The following PARD3B variants were observed in gnomAD, a reference collection of about 807,000 sequenced individuals.
PARD3B encodes partitioning defective 3 homolog B.
A neutral mutation model predicts 130.2 loss-of-function variants in PARD3B; 103 were observed. The ratio of observed to expected loss-of-function variants is 0.79; its 90% CI spans 0.67 to 0.93. The LOEUF (loss-of-function observed/expected upper bound fraction) is 0.93, where lower values mean the gene tolerates loss of function less well. PARD3B is among the 40% of genes least tolerant of loss of function. The pLI is 0.00. For synonymous variants in PARD3B, 583 were observed against 553.2 expected, an observed-to-expected ratio of 1.05 and a Z score of -0.76; for missense variants, 1,609 against 1,499.2, an observed-to-expected ratio of 1.07 and a Z score of -1.21.
chr2:204,795,232 G>A (rs553719812), intron 2 of PARD3B, among the ~76,000 whole-genome samples: 1 of 152,290 alleles, frequency 6.6e-6, no homozygotes, highest in South Asian at 2.1e-4. Flanking sequence ...GTTAAGCCCT[G>A]TCCCCTTTCT....
At chr2:205,412,616 T>C (rs1163444050) in intron 19 of PARD3B, among the ~76,000 whole-genome samples, 1 of 152,214 alleles carries the variant, frequency 6.6e-6, no homozygotes, top group African/African-American at 2.4e-5. Context: ...CTAACACATC[T>C]GACTTTAACC....
At chr2:205,010,067 A>G (rs1695592462) in intron 3 of PARD3B, among the ~76,000 whole-genome samples, 2 of 152,190 alleles carry the variant, frequency 1.3e-5, no homozygotes, top group African/African-American at 4.8e-5. Flanking sequence ...GAACCAATAT[A>G]GTAATATTTT....
At chr2:204,738,973 A>G (rs1311066830) in intron 2 of PARD3B, among the ~76,000 whole-genome samples, 4 of 152,190 alleles carry the variant, frequency 2.6e-5, no homozygotes, top group East Asian at 1.9e-4. Context: ...GGTTCTAGCT[A>G]TACTCAGTGG....
At chr2:205,100,324 A>G (rs1702682980) in intron 4 of PARD3B, among the ~76,000 whole-genome samples, 1 of 152,126 alleles carries the variant, frequency 6.6e-6, no homozygotes, top group Admixed American at 6.5e-5. Flanking sequence ...TTATAAAACT[A>G]AAAAGAATAT....
intron 13 of PARD3B, among the ~76,000 whole-genome samples, chr2:205,185,509 C>G (rs1310173323): frequency 6.6e-6 from 1 of 152,150 alleles, no homozygotes; most frequent in Non-Finnish European, 1.5e-5. Flanking sequence ...AAAAGGTAGT[C>G]AAGATCTGTG....
chr2:204,892,273 G>A (rs1012151221), intron 2 of PARD3B, among the ~76,000 whole-genome samples: 7 of 152,182 alleles, frequency 4.6e-5, no homozygotes, highest in African/African-American at 1.7e-4. Context: ...GGAGGTGACT[G>A]TGGAGAGAGT....
rs1183590701 is a variant in PARD3B at position 205,125,202 on chromosome 2, C to T, written c.1306-407C>T. On this transcript the variant is annotated intron_variant, in intron 9 of 22. Coordinates refer to ENST00000406610, the MANE Select transcript of PARD3B (RefSeq NM_001302769.2). This position sits in a 1 kb window ranked among gnomAD's most constrained non-coding sequence, Gnocchi z 4.0. ...ATTTTCTAAATATGTTTAAAACCTG[C>T]AGGATTCTATTGCTAGGTTCGTATT... Among the ~76,000 whole-genome samples, 1 of 152,162 alleles carries T rather than the reference C, an allele frequency of 6.6e-6. No individual in the cohort carries two copies. The highest frequency in any genetic ancestry group is 2.4e-5 in the African/African-American group (1 of 41,438).
chr2:205,024,412 A>G (rs1361853668), intron 3 of PARD3B, among the ~76,000 whole-genome samples: 1 of 151,848 alleles, frequency 6.6e-6, no homozygotes, highest in Non-Finnish European at 1.5e-5. Flanking sequence ...CAGGTGATCC[A>G]CATGCCCCAG....
At chr2:204,724,670 A>T (rs2039143771) in intron 2 of PARD3B, among the ~76,000 whole-genome samples, 2 of 152,112 alleles carry the variant, frequency 1.3e-5, no homozygotes, top group African/African-American at 4.8e-5. Context: ...TTTATTAATT[A>T]TTTATGGAGT....
At chr2:205,109,107 A>G (rs1296646902) in intron 5 of PARD3B, among the ~76,000 whole-genome samples, 2 of 152,230 alleles carry the variant, frequency 1.3e-5, no homozygotes, top group Non-Finnish European at 2.9e-5. Context: ...CCAATGAAAC[A>G]ACTCAATTAA....
intron 4 of PARD3B, among the ~76,000 whole-genome samples, chr2:205,049,560 C>T (rs1699042599): frequency 6.6e-6 from 1 of 152,060 alleles, no homozygotes; most frequent in African/African-American, 2.4e-5. Flanking sequence ...ATGTTTATTT[C>T]CATGTTTCTA....
chr2:205,371,038 T>C (rs2044796982), intron 18 of PARD3B, among the ~76,000 whole-genome samples: 3 of 152,164 alleles, frequency 2.0e-5, no homozygotes, highest in Non-Finnish European at 4.4e-5. Flanking sequence ...TTGGCTTCTG[T>C]TGGTACCATC....
intron 4 of PARD3B, among the ~76,000 whole-genome samples, chr2:205,054,587 C>T (rs1254511320): frequency 6.6e-6 from 1 of 150,850 alleles, no homozygotes; most frequent in Non-Finnish European, 1.5e-5. Flanking sequence ...TAATGCTATC[C>T]CTTTCCCTTC....
At chr2:204,988,924 A>AAAT (rs1693407965) in intron 3 of PARD3B, among the ~76,000 whole-genome samples, 1 of 152,208 alleles carries the variant, frequency 6.6e-6, no homozygotes, top group Admixed American at 6.5e-5. Context: ...CTACAAAAAG[A>AAAT]AATACGTTCA....
rs538899239 is a variant in PARD3B at position 205,203,811 on chromosome 2, C to T, written c.2140+10491C>T. On this transcript the variant is annotated intron_variant, in intron 15 of 22. Coordinates refer to ENST00000406610, the MANE Select transcript of PARD3B (RefSeq NM_001302769.2). ...ACTTTTTTATGGCTGCATAGTATTC[C>T]ATGGTGCATGTGTGCCACATTTTCT... Among the ~76,000 whole-genome samples, 3 of 152,324 alleles carry T rather than the reference C, an allele frequency of 2.0e-5. No homozygotes were observed. In the East Asian group the frequency reaches 5.8e-4, roughly 29 times the overall value.
At chr2:205,023,022 G>T (rs563393210) in intron 3 of PARD3B, among the ~76,000 whole-genome samples, 1 of 152,294 alleles carries the variant, frequency 6.6e-6, no homozygotes, top group Admixed American at 6.5e-5. Context: ...AAACTGATAT[G>T]AAATCATTAC....
chr2:204,908,533 C>T (rs2047118239), intron 2 of PARD3B, among the ~76,000 whole-genome samples: 1 of 152,162 alleles, frequency 6.6e-6, no homozygotes, highest in African/African-American at 2.4e-5. Context: ...CACTACTATA[C>T]TTTTCTTTGT....
At chr2:205,098,940 A>G (rs1411012194) in intron 4 of PARD3B, among the ~76,000 whole-genome samples, 1 of 152,192 alleles carries the variant, frequency 6.6e-6, no homozygotes, top group Non-Finnish European at 1.5e-5. Context: ...AAGTGTTGCT[A>G]AAAACGTTCG....
At chr2:204,873,004 C>T (rs1559217107) in intron 2 of PARD3B, among the ~76,000 whole-genome samples, 1 of 152,074 alleles carries the variant, frequency 6.6e-6, no homozygotes, top group Non-Finnish European at 1.5e-5. Flanking sequence ...ATAAGCACTT[C>T]ACTTGAAGAA....
Sources: gnomAD v4.1 joint callset for allele counts (sites outside exome capture counted in the v4.1 genomes callset) on GRCh38, gnomAD v4.1.1 for gene constraint, Gnocchi (gnomAD v3.1) non-coding constraint, MANE v1.5 for transcripts, NCBI Gene and HGNC (gene_info 2026-07-23, HGNC 2026-07-21) for gene names.